ZRANB3: variants seen among roughly 807,000 people sequenced by gnomAD.
The protein encoded by ZRANB3 is zinc finger RANBP2-type containing 3, also known as DNA annealing helicase and endonuclease ZRANB3.
In ZRANB3, 125 loss-of-function variants were observed where a neutral mutation model predicts 133.8. The ratio of observed to expected loss-of-function variants is 0.93; its 90% CI spans 0.81 to 1.08. ZRANB3 has a LOEUF of 1.08. Ranked by LOEUF, ZRANB3 falls within the 50% of genes least tolerant of loss-of-function variation. The pLI is 0.00. For missense variants in ZRANB3, 1,229 were observed against 1,275.5 expected (o/e 0.96, Z 0.56); for synonymous variants, 387 against 432.7 (o/e 0.89, Z 1.31).
Position 135,364,318 on chromosome 2 carries a change from C to T in ZRANB3, c.181-10690G>A, listed in dbSNP as rs144849408. On this transcript the variant is annotated intron_variant, in intron 3 of 20. Coordinates refer to ENST00000264159, the MANE Select transcript of ZRANB3 (RefSeq NM_032143.4). The stretch of plus-strand genomic sequence containing the variant: ...CAGATAAAAACACGAAAAACACTTC[C>T]ATGATTTGATTCTTGAACTTTTAAA... 3.0e-3 allele frequency among the ~76,000 whole-genome samples: 453 copies of T among 152,286 alleles called. 3 individuals carry two copies. The highest frequency in any genetic ancestry group is 0.01 in the African/African-American group (422 of 41,562).
chr2:135,403,000 G>A (rs1040357872), intron 2 of ZRANB3, among the ~76,000 whole-genome samples: 17 of 152,202 alleles, frequency 1.1e-4, no homozygotes, highest in Middle Eastern at 3.4e-3. Context: ...AATAGGAACC[G>A]CTCCAATCTA....
chr2:135,353,305 T>C, intron 4 of ZRANB3, 145 bp downstream of exon 4: 1 of 485,362 alleles, frequency 2.1e-6, no homozygotes. Flanking sequence ...AATTCATATT[T>C]TAAAATGTAA....
At chr2:135,527,498 G>A (rs1694211312) in intron 1 of ZRANB3, among the ~76,000 whole-genome samples, 1 of 152,022 alleles carries the variant, frequency 6.6e-6, no homozygotes, top group African/African-American at 2.4e-5. Context: ...GGCAGAGGTT[G>A]CAGTGAGCCA....
chr2:135,211,411 C>T (rs546276520), intron 17 of ZRANB3, among the ~76,000 whole-genome samples: 7 of 152,086 alleles, frequency 4.6e-5, no homozygotes, highest in Middle Eastern at 3.4e-3. Context: ...CGTGGTGGTG[C>T]GCACCTGCAG....
intron 2 of ZRANB3, among the ~76,000 whole-genome samples, chr2:135,501,701 C>A (rs1181465965): frequency 6.6e-6 from 1 of 152,150 alleles, no homozygotes; most frequent in African/African-American, 2.4e-5. Context: ...TTTGATGACA[C>A]TGAATCCTTT....
At chr2:135,367,596 A>T (rs1285340511) in intron 3 of ZRANB3, among the ~76,000 whole-genome samples, 3 of 151,984 alleles carry the variant, frequency 2.0e-5, no homozygotes, top group Non-Finnish European at 4.4e-5. Context: ...TAAAAAAAAT[A>T]AATAAATAAA....
chr2:135,303,689 A>G (rs987990309), intron 8 of ZRANB3, among the ~76,000 whole-genome samples: 2 of 152,200 alleles, frequency 1.3e-5, no homozygotes, highest in Non-Finnish European at 2.9e-5. Flanking sequence ...TTTATGCAAA[A>G]AAGACTACAA....
At chr2:135,519,940 G>A (rs1056388249) in intron 1 of ZRANB3, among the ~76,000 whole-genome samples, 6 of 152,064 alleles carry the variant, frequency 3.9e-5, no homozygotes, top group Admixed American at 3.3e-4. Flanking sequence ...GAGTGTTTTA[G>A]GAAGAGGATA....
intron 8 of ZRANB3, among the ~76,000 whole-genome samples, chr2:135,283,655 C>T (rs1008073256): frequency 6.6e-6 from 1 of 150,452 alleles, no homozygotes; most frequent in Admixed American, 6.6e-5. Flanking sequence ...TAAAAACATT[C>T]TTGATTTATT....
intron 8 of ZRANB3, among the ~76,000 whole-genome samples, chr2:135,276,789 T>TA (rs1365154614): frequency 1.3e-5 from 2 of 152,206 alleles, no homozygotes; most frequent in African/African-American, 4.8e-5. Flanking sequence ...TCACAGATCC[T>TA]AAACTGGCTA....
chr2:135,306,158 A>G (rs1048762842), intron 8 of ZRANB3, among the ~76,000 whole-genome samples: 11 of 152,168 alleles, frequency 7.2e-5, no homozygotes, highest in African/African-American at 2.7e-4. Context: ...TTACTTAATT[A>G]AATATTTTTT....
chr2:135,354,798 CT>C (rs1295270860), intron 3 of ZRANB3, among the ~76,000 whole-genome samples: 2 of 152,096 alleles, frequency 1.3e-5, no homozygotes, highest in African/African-American at 2.4e-5. Flanking sequence ...CATGAGGGAA[CT>C]TTTAGGAATG....
intron 2 of ZRANB3, among the ~76,000 whole-genome samples, chr2:135,477,527 C>T (rs1559024671): frequency 6.6e-6 from 1 of 152,186 alleles, no homozygotes; most frequent in Non-Finnish European, 1.5e-5. Context: ...TTCTCTCAGG[C>T]CTAGGAATGG....
rs1413641735 is a variant in ZRANB3, at chr2:135,401,792, T to C, written c.162-10972A>G. Among the ~76,000 whole-genome samples, 16 of 152,174 alleles carry C rather than the reference T, an allele frequency of 1.1e-4. No individual in the cohort carries two copies. In the South Asian group the frequency reaches 2.9e-3, roughly 28 times the overall value. ...AACTCCTGTTAACTGCAGGAGAAAA[T>C]AGTCCAATATATTTTAGCTATTATT... is the stretch of plus-strand genomic sequence containing the variant. On this transcript the variant is annotated intron_variant, in intron 2 of 20. Coordinates refer to ENST00000264159, the MANE Select transcript of ZRANB3 (RefSeq NM_032143.4).
intron 2 of ZRANB3, among the ~76,000 whole-genome samples, chr2:135,444,736 C>T (rs549951269): frequency 2.0e-5 from 3 of 152,214 alleles, no homozygotes; most frequent in South Asian, 4.2e-4. Flanking sequence ...TCTAGTGATG[C>T]TAAAACTGAT....
chr2:135,274,533 G>A (rs1680686187), intron 9 of ZRANB3, among the ~76,000 whole-genome samples: 2 of 151,902 alleles, frequency 1.3e-5, no homozygotes, highest in African/African-American at 4.8e-5. Flanking sequence ...GGTATATCCA[G>A]GAACAAAAAT....
chr2:135,355,813 G>GT (rs916754494), intron 3 of ZRANB3, among the ~76,000 whole-genome samples: 1 of 152,088 alleles, frequency 6.6e-6, no homozygotes, highest in Non-Finnish European at 1.5e-5. Context: ...GGGGTCTTTG[G>GT]TTTTGTTTCC....
At chr2:135,308,685 C>T (rs1239069920) in intron 8 of ZRANB3, among the ~76,000 whole-genome samples, 5 of 152,100 alleles carry the variant, frequency 3.3e-5, no homozygotes, top group Admixed American at 6.5e-5. Context: ...AGCCTGATCT[C>T]GAACTCCTAA....
intron 1 of ZRANB3, among the ~76,000 whole-genome samples, chr2:135,516,367 G>A (rs1024003712): frequency 1.3e-5 from 2 of 152,126 alleles, no homozygotes; most frequent in African/African-American, 4.8e-5. Flanking sequence ...AGTGTTGATG[G>A]TCTTTACAAC....
Sources: allele counts gnomAD v4.1 joint callset (sites outside exome capture counted in the v4.1 genomes callset), GRCh38; gene constraint gnomAD v4.1.1; transcripts MANE v1.5; gene names NCBI Gene and HGNC (gene_info 2026-07-23, HGNC 2026-07-21).